FAT4: variants seen among roughly 807,000 people sequenced by gnomAD.
FAT4 encodes the protein FAT atypical cadherin 4.
Under a neutral mutation model 303.9 loss-of-function variants are expected in FAT4, and 84 were observed. That is an observed-to-expected ratio of 0.28 (90% confidence interval 0.23 to 0.33). The LOEUF (loss-of-function observed/expected upper bound fraction) is 0.33, where lower values mean the gene tolerates loss of function less well. FAT4 is among the 10% of genes least tolerant of loss of function. The probability of loss-of-function intolerance (pLI) is 1.00; values close to 1 mark genes in which losing one functional copy is unlikely to be tolerated. For synonymous variants in FAT4, 2,307 were observed against 2,298.8 expected, an observed-to-expected ratio of 1.00 and a Z score of -0.10; for missense variants, 6,005 against 6,146.8, an observed-to-expected ratio of 0.98 and a Z score of 0.77.
chr4:125,490,204 C>A lies in FAT4; in HGVS notation c.13388C>A (p.Thr4463Asn). Residue 4463 changes from threonine to asparagine, a missense_variant, in exon 18 of 18, where the codon ACC becomes AAC. Thr to Asn is a moderately conservative substitution (Grantham distance 65, BLOSUM62 0). Transcript: ENST00000394329. ...TGCCCAGACTCGCACACGGGAAGGA[C>A]CTGTGAGATGGTGGTGGCCTGTCTT... is the stretch of plus-strand genomic sequence containing the variant. ...CSCPDSHTGR[T>N]CEMVVACLGV... 6.2e-7 allele frequency: 1 copy of A among 1,614,092 alleles called. No individual in the cohort carries two copies. The highest frequency in any genetic ancestry group is 8.5e-7 in the Non-Finnish European group (1 of 1,180,016).
At chr4:125,376,833 C>G (rs537638387) in intron 2 of FAT4, among the ~76,000 whole-genome samples, 2 of 151,982 alleles carry the variant, frequency 1.3e-5, no homozygotes, top group African/African-American at 4.8e-5. Context: ...TCCGGTGAGC[C>G]GAGATCATGC....
chr4:125,452,386 T>C lies in FAT4; in HGVS notation c.11376T>C (p.Leu3792=). The C allele has an allele frequency of 6.2e-7, 1 of 1,614,170 alleles. No homozygotes were observed. Among genetic ancestry groups the C allele is most frequent in the Non-Finnish European group, 8.5e-7 (1 of 1,180,032 alleles). ...ATFFESIKEI[L]LRQSGVKVES... ...TCTTTGAAAGCATCAAAGAGATCCT[T>C]CTCCGGCAGAGTGGAGTAAAGGTGG... is the stretch of plus-strand genomic sequence containing the variant. The change falls in exon 10 of 18, where the codon CTT becomes CTC. Residue 3792 remains leucine, a synonymous_variant. Coordinates refer to ENST00000394329, the MANE Select transcript of FAT4 (RefSeq NM_001291303.3).
intron 5 of FAT4, 128 bp from the exon 6 acceptor site, chr4:125,414,756 G>A (rs972087912): frequency 1.1e-5 from 7 of 627,294 alleles, no homozygotes; most frequent in East Asian, 2.7e-5. Context: ...TTTGTTCACA[G>A]GATTTCCTAA....
At chr4:125,377,956 C>T (rs998383693) in intron 2 of FAT4, among the ~76,000 whole-genome samples, 1 of 152,002 alleles carries the variant, frequency 6.6e-6, no homozygotes. Flanking sequence ...TTTGCTCAAG[C>T]AGAAAACCTG....
Position 125,389,901 on chromosome 4 carries a change from T to C in FAT4, c.5176-8883T>C, listed in dbSNP as rs549412778. ...AGAACATTTAAATGCAAACTGTTCT[T>C]TGTTAGGGCTTTCTCATAACTGAAA... is the stretch of plus-strand genomic sequence containing the variant. On this transcript the variant is annotated intron_variant, in intron 2 of 17. Coordinates refer to ENST00000394329, the MANE Select transcript of FAT4 (RefSeq NM_001291303.3). 2.5e-4 allele frequency among the ~76,000 whole-genome samples: 38 copies of C among 152,290 alleles called. 1 individual carries two copies. In the South Asian group the frequency reaches 5.6e-3, roughly 22 times the overall value.
At chr4:125,353,942 T>TA (rs1294384846) in intron 2 of FAT4, among the ~76,000 whole-genome samples, 1 of 151,690 alleles carries the variant, frequency 6.6e-6, no homozygotes, top group Non-Finnish European at 1.5e-5. Context: ...TATTATACAA[T>TA]AAAAAATTGT....
At position 125,317,248 on chromosome 4, in the gene FAT4, G is replaced by C; in HGVS notation, c.837G>C (p.Glu279Asp). Residue 279 changes from glutamate (E) to aspartate (D), a missense_variant, in exon 2 of 18, where the codon GAG (glutamate) becomes GAC (aspartate). Coordinates refer to ENST00000394329, the MANE Select transcript of FAT4 (RefSeq NM_001291303.3). The surrounding 1 kb of genome is among the most constrained non-coding windows in gnomAD (Gnocchi z 7.0). The stretch of plus-strand genomic sequence containing the variant: ...AGGTGGCGGCGGCGGACGCGGACGA[G>C]GGCACCAACGCGGACATCCGCTATC... Reference protein sequence around the residue: ...VLQVAAADADEGTNADIRYRL... With the variant: ...VLQVAAADADDGTNADIRYRL... The C allele has an allele frequency of 6.3e-7, 1 of 1,579,656 alleles. No individual in the cohort carries two copies.
At position 125,449,281 on chromosome 4, in the gene FAT4, T is replaced by C. The variant is rs757393269; in HGVS notation, c.8271T>C (p.Thr2757=). The C allele has an allele frequency of 1.2e-6, 2 of 1,613,956 alleles. No individual in the cohort carries two copies. The highest frequency in any genetic ancestry group is 1.7e-6 in the Non-Finnish European group (2 of 1,179,936). The change falls in exon 10 of 18, where the codon ACT becomes ACC. Residue 2757 remains threonine, a synonymous_variant. Coordinates refer to ENST00000394329, the MANE Select transcript of FAT4 (RefSeq NM_001291303.3). ...ACAAAGGGTCCCCGTCTCAGAGTAC[T>C]TCAGTAAAAGTCATGATTAACATTT... The part of the protein sequence containing the change: ...SSDKGSPSQS[T]SVKVMINILD...
intron 2 of FAT4, among the ~76,000 whole-genome samples, chr4:125,389,352 CT>C (rs1171152153): frequency 6.6e-6 from 1 of 152,010 alleles, no homozygotes; most frequent in Non-Finnish European, 1.5e-5. Context: ...GTTTCTTGTA[CT>C]AAAGTGTTTC....
At chr4:125,434,151 A>G (rs1725367982) in intron 7 of FAT4, 94 bp from the exon 8 acceptor site, 1 of 1,174,556 alleles carries the variant, frequency 8.5e-7, no homozygotes, top group Non-Finnish European at 1.2e-6. Context: ...ATGTTTCCTA[A>G]ATTCTCTTTA....
At chr4:125,432,755 A>G (rs1028467164) in intron 7 of FAT4, among the ~76,000 whole-genome samples, 2 of 152,204 alleles carry the variant, frequency 1.3e-5, no homozygotes, top group Admixed American at 6.5e-5. Flanking sequence ...TATTTCTTAG[A>G]CGTCAAAATT....
intron 10 of FAT4, among the ~76,000 whole-genome samples, chr4:125,453,179 C>CA (rs1377435737): frequency 5.3e-5 from 8 of 151,418 alleles, no homozygotes; most frequent in Admixed American, 1.3e-4. Context: ...CTTACAAGAG[C>CA]AAAAAAGAGA....
At chr4:125,489,110 T>C (rs973258231) in intron 17 of FAT4, among the ~76,000 whole-genome samples, 47 of 152,208 alleles carry the variant, frequency 3.1e-4, no homozygotes, top group African/African-American at 1.0e-3. Flanking sequence ...GTCCAGGTCA[T>C]AAGTCCTTTT....
intron 12 of FAT4, among the ~76,000 whole-genome samples, chr4:125,474,785 A>G (rs942407820): frequency 6.6e-6 from 1 of 152,068 alleles, no homozygotes; most frequent in African/African-American, 2.4e-5. Context: ...AATATTGATA[A>G]AAGTAGGATA....
chr4:125,380,750 T>C (rs1458995757), intron 2 of FAT4, among the ~76,000 whole-genome samples: 1 of 152,216 alleles, frequency 6.6e-6, no homozygotes, highest in Non-Finnish European at 1.5e-5. Flanking sequence ...TGTTGTCTTC[T>C]TTATTAAATT....
chr4:125,326,809 G>A (rs778931927), intron 2 of FAT4, among the ~76,000 whole-genome samples: 7 of 152,160 alleles, frequency 4.6e-5, no homozygotes, highest in Non-Finnish European at 7.3e-5. Flanking sequence ...ACAATTCCTT[G>A]AGGCCAGGAT....
chr4:125,463,534 TA>T (rs750634260), intron 10 of FAT4, 28 bp from the exon 11 acceptor site: 66 of 1,404,100 alleles, frequency 4.7e-5, no homozygotes, highest in South Asian at 2.7e-4. Context: ...GTATGAGATT[TA>T]AAAAAAACTG....
rs549460745 is a variant in FAT4, at chr4:125,491,524, G to C, written c.14708G>C (p.Gly4903Ala). ...RRYHGRRAEG[G>A]PVGTQAAAPG... is the part of the protein sequence containing the mutation. ...TACCACGGTCGCAGGGCCGAGGGAG[G>C]ACCTGTGGGCACCCAGGCAGCAGCA... Residue 4903 changes from glycine (G) to alanine (A), a missense_variant, in exon 18 of 18, where the codon GGA becomes GCA. Gly to Ala is a moderately conservative substitution (Grantham distance 60). Coordinates refer to ENST00000394329, the MANE Select transcript of FAT4 (RefSeq NM_001291303.3). The C allele has an allele frequency of 7.4e-6, 12 of 1,614,186 alleles. No homozygotes were observed. The East Asian group carries it at 2.5e-4, about 33-fold the overall frequency.
At chr4:125,322,338 A>G (rs1730985706) in intron 2 of FAT4, among the ~76,000 whole-genome samples, 1 of 152,188 alleles carries the variant, frequency 6.6e-6, no homozygotes, top group Admixed American at 6.5e-5. Flanking sequence ...TGAGTAAGAA[A>G]TTAGTGTTTC....
Sources: allele counts gnomAD v4.1 joint callset (sites outside exome capture counted in the v4.1 genomes callset), GRCh38; gene constraint gnomAD v4.1.1; non-coding constraint Gnocchi (gnomAD v3.1); transcripts MANE v1.5; gene names NCBI Gene and HGNC (gene_info 2026-07-23, HGNC 2026-07-21).